Variants in DPYD observed in about 807,000 individuals in gnomAD.
The protein encoded by DPYD is dihydropyrimidine dehydrogenase, also known as dihydropyrimidine dehydrogenase [NADP(+)].
A neutral mutation model predicts 116.2 loss-of-function variants in DPYD; 109 were observed. That is an observed-to-expected ratio of 0.94 (90% confidence interval 0.80 to 1.10). DPYD has a LOEUF of 1.10. Among genes scored for constraint, DPYD ranks in the 50% least tolerant of loss-of-function variants. DPYD has a pLI of 0.00. For synonymous variants in DPYD, 440 were observed against 432.0 expected (o/e 1.02, Z -0.23); for missense variants, 1,302 against 1,254.5 (o/e 1.04, Z -0.57).
At chr1:97,729,571 T>A (rs1384815982) in intron 4 of DPYD, among the ~76,000 whole-genome samples, 2 of 152,072 alleles carry the variant, frequency 1.3e-5, no homozygotes, top group African/African-American at 2.4e-5. Flanking sequence ...TGTTAGGAAG[T>A]AGAATAAGAA....
chr1:97,522,382 G>GTGACCAAACATATCT (rs754387980), intron 12 of DPYD, among the ~76,000 whole-genome samples: 46 of 152,140 alleles, frequency 3.0e-4, no homozygotes, highest in Non-Finnish European at 5.7e-4. Flanking sequence ...CTTGAGGACA[G>GTGACCAAACATATCT]TGACCAAACA....
At chr1:97,104,058 G>T (rs1650952199) in intron 20 of DPYD, among the ~76,000 whole-genome samples, 1 of 152,032 alleles carries the variant, frequency 6.6e-6, no homozygotes, top group Non-Finnish European at 1.5e-5. Flanking sequence ...CTGCCCAGTG[G>T]TTTAGAATAT....
At chr1:97,282,405 C>CT (rs1264330936) in intron 18 of DPYD, among the ~76,000 whole-genome samples, 2 of 151,788 alleles carry the variant, frequency 1.3e-5, no homozygotes, top group African/African-American at 2.4e-5. Flanking sequence ...ACCATTTTCT[C>CT]TTTTTTTCAG....
In DPYD at chr1:97,079,029, T is replaced by C. The variant is rs766438205; in HGVS notation, c.3025A>G (p.Thr1009Ala). 4.3e-6 allele frequency: 7 copies of C among 1,613,736 alleles called. No homozygotes were observed. The highest frequency in any genetic ancestry group is 3.3e-5 in the South Asian group (3 of 91,076). Residue 1009 changes from threonine to alanine, a missense_variant, in exon 23 of 23, where the codon ACA becomes GCA. Thr to Ala is a moderately conservative substitution (Grantham distance 58). Coordinates refer to ENST00000370192, the MANE Select transcript of DPYD (RefSeq NM_000110.4). Reference protein sequence around the residue: ...VDCIKMVSRTTPYEPKRGVPL... With the variant: ...VDCIKMVSRTAPYEPKRGVPL... ...ACGCCTCTCTTTGGTTCATAAGGTG[T>C]TGTCCTGGAAACCATTTTGATGCAG...
At chr1:97,606,220 G>A (rs1316430162) in intron 8 of DPYD, among the ~76,000 whole-genome samples, 3 of 151,896 alleles carry the variant, frequency 2.0e-5, no homozygotes, top group Non-Finnish European at 2.9e-5. Flanking sequence ...TGCCTACTAC[G>A]TGCTAAACAC....
At chr1:97,690,420 C>T (rs1301338157) in intron 7 of DPYD, among the ~76,000 whole-genome samples, 2 of 151,588 alleles carry the variant, frequency 1.3e-5, no homozygotes, top group Non-Finnish European at 2.9e-5. Flanking sequence ...GAAATAAAGC[C>T]TAATTTCTTT....
At chr1:97,413,370 A>G (rs988730404) in intron 14 of DPYD, among the ~76,000 whole-genome samples, 1 of 152,214 alleles carries the variant, frequency 6.6e-6, no homozygotes, top group Non-Finnish European at 1.5e-5. Flanking sequence ...TGTTTCCATC[A>G]GTATGCTTTA....
At chr1:97,838,619 G>A (rs1186586274) in intron 2 of DPYD, among the ~76,000 whole-genome samples, 1 of 151,662 alleles carries the variant, frequency 6.6e-6, no homozygotes, top group Non-Finnish European at 1.5e-5. Context: ...GCCGAGGCGG[G>A]TGGATCATGA....
rs535846690 is a variant in DPYD at position 97,318,874 on chromosome 1, A to C, written c.2059-12577T>G. On this transcript the variant is annotated intron_variant, in intron 16 of 22. Transcript: ENST00000370192. Reference sequence around the variant, plus strand: ...AATGTAAAAGAACAGAAATTATAACAAACTATCTCTCAGACAACAGTGCAA... The same window carrying C: ...AATGTAAAAGAACAGAAATTATAACCAACTATCTCTCAGACAACAGTGCAA... Among the ~76,000 whole-genome samples the C allele has an allele frequency of 4.4e-3, 660 of 149,908 alleles. 10 individuals are homozygous for C. Among genetic ancestry groups the C allele is most frequent in the African/African-American group, 0.015 (615 of 40,460 alleles).
intron 19 of DPYD, among the ~76,000 whole-genome samples, chr1:97,205,208 C>A (rs1659505477): frequency 6.6e-6 from 1 of 151,900 alleles, no homozygotes; most frequent in African/African-American, 2.4e-5. Context: ...TTGCATTGTA[C>A]CTTTCTATGG....
At chr1:97,439,407 C>T (rs977112054) in intron 14 of DPYD, among the ~76,000 whole-genome samples, 50 of 152,172 alleles carry the variant, frequency 3.3e-4, no homozygotes, top group Non-Finnish European at 3.1e-4. Context: ...TTTATTTTCT[C>T]TAATGTTATC....
intron 13 of DPYD, among the ~76,000 whole-genome samples, chr1:97,450,466 A>G (rs1454213493): frequency 6.6e-6 from 1 of 152,146 alleles, no homozygotes; most frequent in Admixed American, 6.6e-5. Flanking sequence ...ATAGCGCAAA[A>G]ATAAAAATAT....
intron 20 of DPYD, among the ~76,000 whole-genome samples, chr1:97,139,505 C>A (rs1654055167): frequency 6.6e-6 from 1 of 152,126 alleles, no homozygotes; most frequent in South Asian, 2.1e-4. Flanking sequence ...AGACTGGGTT[C>A]TATTCATGGA....
intron 3 of DPYD, among the ~76,000 whole-genome samples, chr1:97,818,409 A>G (rs1931066): frequency 0.81 from 122,410 of 151,940 alleles, 49,419 homozygotes; most frequent in East Asian, 0.98. Context: ...CCAGATTTGT[A>G]CTTGATAATT....
intron 13 of DPYD, among the ~76,000 whole-genome samples, chr1:97,461,258 C>T (rs1462758645): frequency 1.3e-5 from 2 of 152,118 alleles, no homozygotes; most frequent in Admixed American, 6.6e-5. Context: ...CAATTTGGCA[C>T]TCCTTAGAGT....
rs1357636110 is a variant in DPYD, at chr1:97,549,576, A to G, written c.1508T>C (p.Ile503Thr). ...AATGCCTACCTGTACGTATTTGTGAATGTACCAAGAAGCTTGCTTTCCATC... is the reference window on the plus strand; with the variant it reads ...AATGCCTACCTGTACGTATTTGTGAGTGTACCAAGAAGCTTGCTTTCCATC... ...VNDGKQASWY[I>T]HKYVQSQYGA... The change falls in exon 12 of 23, where the codon ATT (isoleucine) becomes ACT (threonine). Residue 503 changes from isoleucine to threonine, a missense_variant. Coordinates refer to ENST00000370192, the MANE Select transcript of DPYD (RefSeq NM_000110.4). 4 of 1,613,828 alleles carry G rather than the reference A, an allele frequency of 2.5e-6. No individual in the cohort carries two copies. In the East Asian group the frequency reaches 8.9e-5, roughly 36 times the overall value.
intron 20 of DPYD, among the ~76,000 whole-genome samples, chr1:97,151,137 C>T (rs947242520): frequency 2.6e-5 from 4 of 152,314 alleles, no homozygotes; most frequent in African/African-American, 9.6e-5. Flanking sequence ...CTTCTCGTAA[C>T]ATTCTTCTAT....
intron 13 of DPYD, among the ~76,000 whole-genome samples, chr1:97,479,181 T>A (rs1385707270): frequency 6.6e-6 from 1 of 152,228 alleles, no homozygotes; most frequent in Non-Finnish European, 1.5e-5. Flanking sequence ...TATTAACAAC[T>A]TGGCTAACTG....
chr1:97,839,227 G>T (rs1297483152), intron 2 of DPYD, among the ~76,000 whole-genome samples: 1 of 152,088 alleles, frequency 6.6e-6, no homozygotes, highest in Non-Finnish European at 1.5e-5. Flanking sequence ...ATTGTAAATG[G>T]TTTAATTTTT....
Sources: allele counts gnomAD v4.1 joint callset (sites outside exome capture counted in the v4.1 genomes callset), GRCh38; gene constraint gnomAD v4.1.1; transcripts MANE v1.5; gene names NCBI Gene and HGNC (gene_info 2026-07-23, HGNC 2026-07-21).